Variants in RPTOR observed in about 807,000 individuals in gnomAD.
RPTOR encodes the protein regulatory associated protein of MTOR complex 1, also known as regulatory-associated protein of mTOR.
RPTOR carries 21 observed loss-of-function variants against 169.9 expected under a neutral mutation model. The ratio of observed to expected loss-of-function variants is 0.12; its 90% confidence interval spans 0.09 to 0.18. The LOEUF (loss-of-function observed/expected upper bound fraction) is 0.18. Among genes scored for constraint, RPTOR ranks in the 10% least tolerant of loss-of-function variants. RPTOR has a pLI of 1.00. For synonymous variants in RPTOR, 732 were observed against 753.2 expected, an observed-to-expected ratio of 0.97 and a Z score of 0.46; for missense variants, 1,133 against 1,855.9, an observed-to-expected ratio of 0.61 and a Z score of 7.16.
chr17:80,942,056 C>A (rs1397507489), intron 25 of RPTOR: 1 of 152,212 alleles, frequency 6.6e-6, no homozygotes, highest in Admixed American at 6.5e-5. Flanking sequence ...TGTTGCAATC[C>A]GGTGCGTGCT....
At chr17:80,692,611 G>C (rs11658456) in intron 3 of RPTOR, among the ~76,000 whole-genome samples, 3,291 of 152,018 alleles carry the variant, frequency 0.022, 74 homozygotes, top group Non-Finnish European at 0.031. Context: ...GTGAGCCACC[G>C]TGCCTGGCCT....
At chr17:80,816,718 T>G (rs2067327106) in intron 7 of RPTOR, among the ~76,000 whole-genome samples, 1 of 152,082 alleles carries the variant, frequency 6.6e-6, no homozygotes, top group Admixed American at 6.5e-5. Flanking sequence ...GGAGGTGGCT[T>G]GGAAGGGCGG....
intron 1 of RPTOR, among the ~76,000 whole-genome samples, chr17:80,613,100 A>G (rs1230276763): frequency 1.3e-5 from 2 of 152,140 alleles, no homozygotes; most frequent in Non-Finnish European, 2.9e-5. Flanking sequence ...TGTGGCCTTC[A>G]GTGATCATCA....
rs2066340626 is a variant in RPTOR, at chr17:80,726,971, G to T, written c.508-3589G>T. Among the ~76,000 whole-genome samples the T allele has an allele frequency of 6.6e-6, 1 of 152,162 alleles. No individual in the cohort carries two copies. Among genetic ancestry groups the T allele is most frequent in the Non-Finnish European group, 1.5e-5 (1 of 68,024 alleles). ...TCCCCCAACCCCTGGGGACCTGTGA[G>T]CGCAGCCTGCAAGCTCCGGCTCCAG... On this transcript the variant is annotated intron_variant, in intron 4 of 33. Coordinates refer to ENST00000306801, the MANE Select transcript of RPTOR (RefSeq NM_020761.3). The surrounding 1 kb of genome is among the most constrained non-coding windows in gnomAD (Gnocchi z 4.5).
intron 20 of RPTOR, among the ~76,000 whole-genome samples, chr17:80,896,551 C>T (rs777513417): frequency 0.031 from 451 of 14,564 alleles, 4 homozygotes; most frequent in Middle Eastern, 0.12. Flanking sequence ...ACGGCCGCGC[C>T]GACACCCCAC....
intron 5 of RPTOR, among the ~76,000 whole-genome samples, chr17:80,731,806 A>G (rs545770713): frequency 6.6e-6 from 1 of 152,376 alleles, no homozygotes; most frequent in South Asian, 2.1e-4. Context: ...TTCATCATAG[A>G]AAAATGCTGA....
At chr17:80,916,312 C>T (rs994022445) in intron 21 of RPTOR, among the ~76,000 whole-genome samples, 5 of 152,240 alleles carry the variant, frequency 3.3e-5, no homozygotes, top group African/African-American at 9.6e-5. Flanking sequence ...GGTGCCACCA[C>T]GTTCCCCAGT....
chr17:80,893,989 A>G, intron 20 of RPTOR, 124 bp downstream of exon 20: 2 of 1,048,096 alleles, frequency 1.9e-6, no homozygotes, highest in Non-Finnish European at 2.6e-6. Flanking sequence ...AAAAGAAAGA[A>G]TAAAGGTCAA....
chr17:80,553,461 A>C (rs1436813482), intron 1 of RPTOR, among the ~76,000 whole-genome samples: 2 of 152,222 alleles, frequency 1.3e-5, no homozygotes, highest in Non-Finnish European at 2.9e-5. Context: ...TTCAAGTGAA[A>C]ATTGGTTTTG....
chr17:80,700,820 ATGG>A (rs1277379813), intron 3 of RPTOR, among the ~76,000 whole-genome samples: 2 of 4,518 alleles, frequency 4.4e-4, no homozygotes, highest in Admixed American at 2.9e-3. Context: ...GGTGATGGTG[ATGG>A]TGGTGGTGGT....
chr17:80,888,001 C>T (rs62068460), intron 17 of RPTOR, among the ~76,000 whole-genome samples: 35,044 of 152,176 alleles, frequency 0.23, 4,230 homozygotes, highest in African/African-American at 0.29. Flanking sequence ...CTGCCTGGGC[C>T]GGGCTGGGCA....
At chr17:80,850,185 A>C (rs2067778604) in intron 11 of RPTOR, among the ~76,000 whole-genome samples, 1 of 152,136 alleles carries the variant, frequency 6.6e-6, no homozygotes, top group African/African-American at 2.4e-5. Context: ...ATTATACCCC[A>C]TAGGTAATTT....
intron 4 of RPTOR, among the ~76,000 whole-genome samples, chr17:80,728,944 C>T (rs1002648364): frequency 2.8e-4 from 43 of 152,158 alleles, no homozygotes; most frequent in African/African-American, 9.9e-4. Context: ...CCACCAAACG[C>T]GGACAGTTTT....
chr17:80,754,250 CA>C lies in RPTOR; in HGVS notation c.830+66del, dbSNP rs2066658238. 1.2e-5 allele frequency: 17 copies of C among 1,468,104 alleles called. No homozygotes were observed. Among genetic ancestry groups the C allele is most frequent in the Non-Finnish European group, 1.6e-5 (17 of 1,095,782 alleles). The allele number at this position is 1,468,104 out of a possible 1,614,324, so 90.9% of individuals were successfully genotyped here. A position where few individuals can be genotyped will look rare whatever the true frequency, so the allele number is the denominator to read the frequency against. Reference sequence around the variant, plus strand: ...GGGCTCTCCCGCAGGGACCCCAACCCATGTGGGCCCCAGGCATTCACCTGGT... The same window carrying C: ...GGGCTCTCCCGCAGGGACCCCAACCCTGTGGGCCCCAGGCATTCACCTGGT... On this transcript the variant is annotated intron_variant, in intron 6 of 33. Coordinates refer to ENST00000306801, the MANE Select transcript of RPTOR (RefSeq NM_020761.3). The surrounding 1 kb of genome is among the most constrained non-coding windows in gnomAD (Gnocchi z 4.2).
At chr17:80,637,102 G>A (rs1599624116) in intron 2 of RPTOR, among the ~76,000 whole-genome samples, 1 of 152,312 alleles carries the variant, frequency 6.6e-6, no homozygotes, top group East Asian at 1.9e-4. Context: ...AGGGTGGGGT[G>A]GAGCGGAAGG....
At position 80,708,286 on chromosome 17, in the gene RPTOR, G is replaced by C. The variant is rs977182383; in HGVS notation, c.507+287G>C. ...TTGTAATTCTCCGAGGACAGACCTC[G>C]AGAGTGTCTGCCTTCTAGTTTGAAA... On this transcript the variant is annotated intron_variant, in intron 4 of 33. Transcript: ENST00000306801. The surrounding 1 kb of genome is among the most constrained non-coding windows in gnomAD (Gnocchi z 4.2). Among the ~76,000 whole-genome samples, 9 of 152,220 alleles carry C rather than the reference G, an allele frequency of 5.9e-5. No homozygotes were observed. The highest frequency in any genetic ancestry group is 2.2e-4 in the African/African-American group (9 of 41,452).
At chr17:80,729,484 C>G (rs2066370776) in intron 4 of RPTOR, among the ~76,000 whole-genome samples, 1 of 152,202 alleles carries the variant, frequency 6.6e-6, no homozygotes, top group Admixed American at 6.5e-5. Flanking sequence ...TCTGCATTTA[C>G]CAGAATCACT....
chr17:80,873,218 C>A (rs1455015610), intron 13 of RPTOR, among the ~76,000 whole-genome samples: 1 of 152,172 alleles, frequency 6.6e-6, no homozygotes, highest in Non-Finnish European at 1.5e-5. Flanking sequence ...GTTCCAAGGG[C>A]TCCTTTGCCA....
intron 21 of RPTOR, 49 bp from the exon 22 acceptor site, chr17:80,922,675 G>T (rs570792073): frequency 6.9e-7 from 1 of 1,457,458 alleles, no homozygotes; most frequent in Non-Finnish European, 9.4e-7. Flanking sequence ...GGCGGCCTCC[G>T]CGGAGCACGT....
Sources: gnomAD v4.1 joint callset for allele counts (sites outside exome capture counted in the v4.1 genomes callset) on GRCh38, gnomAD v4.1.1 for gene constraint, Gnocchi (gnomAD v3.1) non-coding constraint, MANE v1.5 for transcripts, NCBI Gene and HGNC (gene_info 2026-07-23, HGNC 2026-07-21) for gene names.